TNFRSF8: variants seen among roughly 807,000 people sequenced by gnomAD.
TNFRSF8 encodes the protein tumor necrosis factor receptor superfamily member 8.
A neutral mutation model predicts 70.8 loss-of-function variants in TNFRSF8; 26 were observed. That is an observed-to-expected ratio of 0.37 (90% confidence interval 0.27 to 0.51). The LOEUF (loss-of-function observed/expected upper bound fraction) is 0.51, where lower values mean the gene tolerates loss of function less well. TNFRSF8 is among the 20% of genes least tolerant of loss of function. TNFRSF8 has a pLI of 0.94. For missense variants in TNFRSF8, 720 were observed against 807.9 expected (o/e 0.89, Z 1.32); for synonymous variants, 356 against 339.2 (o/e 1.05, Z -0.54).
intron 4 of TNFRSF8, among the ~76,000 whole-genome samples, chr1:12,105,820 T>G (rs1641512228): frequency 2.0e-5 from 3 of 151,898 alleles, no homozygotes; most frequent in Non-Finnish European, 4.4e-5. Flanking sequence ...TGCCCTGTAA[T>G]TCCATTTACT....
intron 11 of TNFRSF8, 59 bp from the exon 12 acceptor site, chr1:12,126,124 C>T: frequency 6.2e-7 from 1 of 1,613,282 alleles, no homozygotes; most frequent in Non-Finnish European, 8.5e-7. Flanking sequence ...GGTTCTTTCC[C>T]TGCCTGCTCC....
In TNFRSF8 at chr1:12,119,700, C is replaced by T. The variant is rs889319514; in HGVS notation, c.947-3584C>T. On this transcript the variant is annotated intron_variant, in intron 8 of 14. Transcript: ENST00000263932. The surrounding 1 kb of genome is among the most constrained non-coding windows in gnomAD (Gnocchi z 4.4). ...CACTGCAGCATTGAACTCCTGGGCT[C>T]GGGCGATCCTCCCACCTCAGCCTCC... Among the ~76,000 whole-genome samples the T allele has an allele frequency of 5.9e-5, 9 of 151,972 alleles. No homozygotes were observed. Among genetic ancestry groups the T allele is most frequent in the South Asian group, 2.1e-4 (1 of 4,816 alleles).
At chr1:12,132,219 T>C (rs968421166) in intron 12 of TNFRSF8, among the ~76,000 whole-genome samples, 5 of 152,240 alleles carry the variant, frequency 3.3e-5, no homozygotes, top group Admixed American at 2.0e-4. Context: ...TGTCAAAATA[T>C]GTGAACCATT....
chr1:12,098,816 G>C (rs1641372188), intron 3 of TNFRSF8, among the ~76,000 whole-genome samples: 1 of 152,186 alleles, frequency 6.6e-6, no homozygotes, highest in African/African-American at 2.4e-5. Context: ...AGAATAGATT[G>C]ACTCCCTGTA....
intron 10 of TNFRSF8, among the ~76,000 whole-genome samples, chr1:12,124,763 A>C (rs569290539): frequency 3.0e-4 from 45 of 152,040 alleles, no homozygotes; most frequent in Non-Finnish European, 4.4e-5. Context: ...CGGAGGTTGC[A>C]AGGTTGCAGT....
chr1:12,129,691 G>A (rs1159234203), intron 12 of TNFRSF8, among the ~76,000 whole-genome samples: 1 of 152,298 alleles, frequency 6.6e-6, no homozygotes, highest in Non-Finnish European at 1.5e-5. Flanking sequence ...TCCCAGGAAT[G>A]ATGCTGGCCT....
Position 12,088,891 on chromosome 1 carries a change from C to T in TNFRSF8, c.151+4340C>T, listed in dbSNP as rs750007797. ...GCCCCTGCCGCCTCCCCCTCCCCCG[C>T]CCAGTCCCTCTTCATCCTGGGCTTC... On this transcript the variant is annotated intron_variant, in intron 2 of 14. Transcript: ENST00000263932. The surrounding 1 kb of genome is among the most constrained non-coding windows in gnomAD (Gnocchi z 4.0). Among the ~76,000 whole-genome samples, 16 of 152,168 alleles carry T rather than the reference C, an allele frequency of 1.1e-4. No individual in the cohort carries two copies. Among genetic ancestry groups the T allele is most frequent in the Non-Finnish European group, 1.9e-4 (13 of 68,014 alleles).
intron 1 of TNFRSF8, among the ~76,000 whole-genome samples, chr1:12,066,053 T>C (rs776473240): frequency 9.8e-5 from 15 of 152,330 alleles, no homozygotes; most frequent in Non-Finnish European, 1.6e-4. Flanking sequence ...CTAACCGACA[T>C]TTGATCTTAT....
chr1:12,070,902 C>G (rs769849816), intron 1 of TNFRSF8, among the ~76,000 whole-genome samples: 6 of 152,100 alleles, frequency 3.9e-5, no homozygotes, highest in Non-Finnish European at 8.8e-5. Flanking sequence ...TCTCTGGGTA[C>G]CAGAGTCAAC....
intron 1 of TNFRSF8, among the ~76,000 whole-genome samples, chr1:12,072,562 C>T (rs979735179): frequency 6.6e-6 from 1 of 152,048 alleles, no homozygotes; most frequent in African/African-American, 2.4e-5. Flanking sequence ...TTAAACAGCA[C>T]ATCAGTGCTG....
At chr1:12,103,440 C>A (rs1641459987) in intron 3 of TNFRSF8, among the ~76,000 whole-genome samples, 1 of 152,148 alleles carries the variant, frequency 6.6e-6, no homozygotes, top group East Asian at 1.9e-4. Flanking sequence ...TTCCTATATA[C>A]CCTCAACCCC....
intron 4 of TNFRSF8, among the ~76,000 whole-genome samples, chr1:12,106,472 A>G (rs1641525895): frequency 6.6e-6 from 1 of 152,070 alleles, no homozygotes; most frequent in Non-Finnish European, 1.5e-5. Flanking sequence ...GGCTTGATCA[A>G]TGTCTGTCTC....
chr1:12,135,441 T>C, intron 12 of TNFRSF8, 147 bp from the exon 13 acceptor site: 10 of 1,066,426 alleles, frequency 9.4e-6, no homozygotes, highest in Non-Finnish European at 1.4e-5. Context: ...CTGAAACCCA[T>C]CGAGGGCTCT....
chr1:12,130,729 G>C (rs145475953), intron 12 of TNFRSF8, among the ~76,000 whole-genome samples: 4 of 152,380 alleles, frequency 2.6e-5, no homozygotes, highest in South Asian at 2.1e-4. Flanking sequence ...GTGCAAGGGG[G>C]CCTGCTGCTG....
At position 12,138,364 on chromosome 1, in the gene TNFRSF8, G is replaced by A; in HGVS notation, c.1471G>A (p.Ala491Thr). The A allele has an allele frequency of 6.2e-7, 1 of 1,613,716 alleles. No homozygotes were observed. Among genetic ancestry groups the A allele is most frequent in the Non-Finnish European group, 8.5e-7 (1 of 1,179,908 alleles). Reference sequence around the variant, plus strand: ...CCTGCCGCTGCAGGATGCCAGCCCGGCCGGGGGCCCCTCGTCCCCCAGGGA... The same window carrying A: ...CCTGCCGCTGCAGGATGCCAGCCCGACCGGGGGCCCCTCGTCCCCCAGGGA... ...ESLPLQDASP[A>T]GGPSSPRDLP... Residue 491 changes from alanine to threonine, a missense_variant, in exon 14 of 15, where the codon GCC (alanine) becomes ACC (threonine). Ala to Thr is a moderately conservative substitution (Grantham distance 58). Transcript: ENST00000263932. This position sits in a 1 kb window ranked among gnomAD's most constrained non-coding sequence, Gnocchi z 5.7.
chr1:12,068,440 C>T (rs1162803676), intron 1 of TNFRSF8, among the ~76,000 whole-genome samples: 3 of 152,220 alleles, frequency 2.0e-5, no homozygotes, highest in African/African-American at 4.8e-5. Flanking sequence ...AGACTAGACA[C>T]GCAGAATGTC....
chr1:12,105,573 TCACA>T (rs34007480), intron 4 of TNFRSF8, among the ~76,000 whole-genome samples: 4 of 147,362 alleles, frequency 2.7e-5, no homozygotes, highest in Admixed American at 6.8e-5. Flanking sequence ...TCTCTCTGTC[TCACA>T]CACACACACA....
At chr1:12,077,197 T>C (rs549474064) in intron 1 of TNFRSF8, among the ~76,000 whole-genome samples, 1 of 152,342 alleles carries the variant, frequency 6.6e-6, no homozygotes, top group East Asian at 1.9e-4. Context: ...GAGCTGGGAT[T>C]ATAAGTGCGA....
chr1:12,094,647 A>T, intron 2 of TNFRSF8, among the ~76,000 whole-genome samples: 1 of 131,042 alleles, frequency 7.6e-6, no homozygotes, highest in African/African-American at 3.0e-5. Context: ...TTTTTTTGAG[A>T]CGGAGTCTCA....
Sources: allele counts gnomAD v4.1 joint callset (sites outside exome capture counted in the v4.1 genomes callset), GRCh38; gene constraint gnomAD v4.1.1; non-coding constraint Gnocchi (gnomAD v3.1); transcripts MANE v1.5; gene names NCBI Gene and HGNC (gene_info 2026-07-23, HGNC 2026-07-21).